The following TMEM41B variants were observed in gnomAD, a reference collection of about 807,000 sequenced individuals.
The protein encoded by TMEM41B is transmembrane protein 41B, also known as protein stasimon.
A neutral mutation model predicts 31.9 loss-of-function variants in TMEM41B; 18 were observed. The ratio of observed to expected loss-of-function variants is 0.56; its 90% confidence interval spans 0.39 to 0.84. The LOEUF is 0.84. Among genes scored for constraint, TMEM41B ranks in the 40% least tolerant of loss-of-function variants. TMEM41B has a pLI of 0.00. For synonymous variants in TMEM41B, 144 were observed against 124.3 expected, an observed-to-expected ratio of 1.16 and a Z score of -1.05; for missense variants, 322 against 348.0, an observed-to-expected ratio of 0.93 and a Z score of 0.59.
intron 1 of TMEM41B, 101 bp downstream of exon 1, chr11:9,314,220 C>G (rs1165034496): frequency 1.4e-6 from 2 of 1,391,264 alleles, no homozygotes; most frequent in African/African-American, 1.5e-5. Context: ...GCAGGCCCCC[C>G]TCTTTCCCCG....
intron 1 of TMEM41B, among the ~76,000 whole-genome samples, chr11:9,312,827 C>A (rs1853592677): frequency 1.3e-5 from 2 of 150,772 alleles, no homozygotes; most frequent in East Asian, 3.9e-4. Flanking sequence ...TGGCGTGAAC[C>A]CAGGAGGCGG....
At chr11:9,301,628 C>T (rs904782574) in intron 1 of TMEM41B, among the ~76,000 whole-genome samples, 7 of 152,130 alleles carry the variant, frequency 4.6e-5, no homozygotes, top group African/African-American at 1.7e-4. Flanking sequence ...ATCTCAGTAG[C>T]CCCTATTCTA....
chr11:9,299,345 C>CACACACACACACACACACACACACAG, intron 2 of TMEM41B, among the ~76,000 whole-genome samples: 1 of 144,152 alleles, frequency 6.9e-6, no homozygotes, highest in South Asian at 2.2e-4. Context: ...CACACACACA[C>CACACACACACACACACACACACACAG]GTGTGTGTAT....
chr11:9,289,363 T>C (rs567405412), intron 3 of TMEM41B, among the ~76,000 whole-genome samples: 1 of 152,228 alleles, frequency 6.6e-6, no homozygotes, highest in South Asian at 2.1e-4. Flanking sequence ...AGTTTGGATC[T>C]GAACCTTTTT....
chr11:9,303,918 T>C (rs112291267), intron 1 of TMEM41B, among the ~76,000 whole-genome samples: 8 of 152,190 alleles, frequency 5.3e-5, no homozygotes, highest in Admixed American at 2.6e-4. Context: ...TCCGCCCACT[T>C]TGGCCTCCCA....
chr11:9,283,545 T>C lies in TMEM41B; in HGVS notation c.755A>G (p.Tyr252Cys), dbSNP rs751545112. The change falls in exon 7 of 7, where the codon TAT (tyrosine) becomes TGT (cysteine). Residue 252 changes from tyrosine to cysteine, a missense_variant. Tyr to Cys is a radical substitution (Grantham distance 194). Around this residue, in one of 3 missense-constraint regions of TMEM41B, gnomAD observed 92 missense variants for 88.0 expected, o/e 1.05. Coordinates refer to ENST00000528080, the MANE Select transcript of TMEM41B (RefSeq NM_015012.4). ...FVAIKAGTTL[Y>C]QLTTAGEAVS... is the part of the protein sequence containing the mutation. ...AGCTTCTCCTGCTGTTGTAAGTTGATACAGTGTTGTTCCTGCCTTAATGGC... is the reference window on the plus strand; with the variant it reads ...AGCTTCTCCTGCTGTTGTAAGTTGACACAGTGTTGTTCCTGCCTTAATGGC... The C allele has an allele frequency of 1.9e-6, 3 of 1,613,416 alleles. No individual in the cohort carries two copies.
intron 4 of TMEM41B, 77 bp from the exon 5 acceptor site, chr11:9,287,883 G>A: frequency 9.5e-7 from 1 of 1,056,640 alleles, no homozygotes; most frequent in Non-Finnish European, 1.4e-6. Flanking sequence ...TGAGTAAAAA[G>A]CTCAATTAAT....
intron 1 of TMEM41B, among the ~76,000 whole-genome samples, chr11:9,307,157 A>G (rs554522417): frequency 2.1e-4 from 32 of 152,246 alleles, no homozygotes; most frequent in African/African-American, 7.0e-4. Context: ...AAATATTCCA[A>G]TGTCTACGAG....
intron 6 of TMEM41B, among the ~76,000 whole-genome samples, chr11:9,285,627 T>A (rs548375454): frequency 6.6e-6 from 1 of 152,282 alleles, no homozygotes; most frequent in South Asian, 2.1e-4. Context: ...CAAAATCAAG[T>A]ATTATTTCCT....
At chr11:9,289,144 C>A (rs527260234) in intron 3 of TMEM41B, among the ~76,000 whole-genome samples, 1 of 147,572 alleles carries the variant, frequency 6.8e-6, no homozygotes, top group African/African-American at 2.4e-5. Context: ...GTTGGGATCA[C>A]GGACGTGTGT....
chr11:9,307,275 T>C (rs1173479584), intron 1 of TMEM41B, among the ~76,000 whole-genome samples: 2 of 152,092 alleles, frequency 1.3e-5, no homozygotes, highest in African/African-American at 4.8e-5. Context: ...AATCCATTTA[T>C]CCTAAGGACA....
intron 6 of TMEM41B, among the ~76,000 whole-genome samples, chr11:9,285,741 T>C (rs1365763010): frequency 1.3e-5 from 2 of 149,884 alleles, no homozygotes; most frequent in East Asian, 3.9e-4. Context: ...AATTCTCTAC[T>C]GAAAATTCAA....
chr11:9,284,092 G>A (rs1410704531), intron 6 of TMEM41B, among the ~76,000 whole-genome samples: 1 of 150,670 alleles, frequency 6.6e-6, no homozygotes, highest in African/African-American at 2.4e-5. Context: ...CCAGAATAAT[G>A]AATTTTAAAA....
At chr11:9,300,153 C>A (rs1217048785) in intron 1 of TMEM41B, among the ~76,000 whole-genome samples, 1 of 152,026 alleles carries the variant, frequency 6.6e-6, no homozygotes, top group Non-Finnish European at 1.5e-5. Context: ...TATATTTAAG[C>A]ACTGTACAGT....
At chr11:9,295,582 T>C (rs1853066145) in intron 2 of TMEM41B, among the ~76,000 whole-genome samples, 195 bp from the exon 3 acceptor site, 1 of 152,196 alleles carries the variant, frequency 6.6e-6, no homozygotes, top group Admixed American at 6.6e-5. Flanking sequence ...TTGCCCAGGC[T>C]GCAGTGCAGT....
chr11:9,294,172 A>G, intron 3 of TMEM41B, among the ~76,000 whole-genome samples: 1 of 103,318 alleles, frequency 9.7e-6, no homozygotes, highest in African/African-American at 3.8e-5. Flanking sequence ...CAGGGGGAGA[A>G]CCTGTCTCAA....
At chr11:9,303,966 C>CT (rs1211327042) in intron 1 of TMEM41B, among the ~76,000 whole-genome samples, 1 of 152,194 alleles carries the variant, frequency 6.6e-6, no homozygotes, top group Non-Finnish European at 1.5e-5. Context: ...CCACGCCCGG[C>CT]CTCCAATCAG....
rs1362827632 is a variant in TMEM41B, at chr11:9,281,500, T to C, written c.*1924A>G. ...ATGTAATAAAAACAGGCTTTGAGGA[T>C]GATTATACCTCTTATAATAAAAACA... On this transcript the variant is annotated 3_prime_UTR_variant, in exon 7 of 7. Coordinates refer to ENST00000528080, the MANE Select transcript of TMEM41B (RefSeq NM_015012.4). The C allele has an allele frequency of 6.6e-6, 1 of 152,236 alleles. No homozygotes were observed. Among genetic ancestry groups the C allele is most frequent in the Non-Finnish European group, 1.5e-5 (1 of 68,040 alleles). The allele number at this position is 152,236 out of a possible 1,614,324, so 9.4% of individuals were successfully genotyped here.
At chr11:9,285,449 C>T (rs1852816054) in intron 6 of TMEM41B, among the ~76,000 whole-genome samples, 1 of 152,074 alleles carries the variant, frequency 6.6e-6, no homozygotes, top group South Asian at 2.1e-4. Flanking sequence ...CATATTCTCA[C>T]AAGTATTAAC....
Sources: allele counts gnomAD v4.1 joint callset (sites outside exome capture counted in the v4.1 genomes callset), GRCh38; gene constraint gnomAD v4.1.1; regional missense constraint gnomAD v4.1.1; transcripts MANE v1.5; gene names NCBI Gene and HGNC (gene_info 2026-07-23, HGNC 2026-07-21).